The following CPQ variants were observed in gnomAD, a reference collection of about 807,000 sequenced individuals.
The protein encoded by CPQ is Ser-Met dipeptidase.
A neutral mutation model predicts 45.7 loss-of-function variants in CPQ; 37 were observed. The ratio of observed to expected loss-of-function variants is 0.81; its 90% CI spans 0.62 to 1.07. The LOEUF (loss-of-function observed/expected upper bound fraction) is 1.07, where lower values mean the gene tolerates loss of function less well. Ranked by LOEUF, CPQ falls within the 50% of genes least tolerant of loss-of-function variation. The probability of loss-of-function intolerance (pLI) is 0.00; values close to 1 mark genes in which losing one functional copy is unlikely to be tolerated. For synonymous variants in CPQ, 186 were observed against 205.8 expected (o/e 0.90, Z 0.82); for missense variants, 537 against 572.9 (o/e 0.94, Z 0.64).
At chr8:96,916,146 C>A (rs183193456) in intron 4 of CPQ, among the ~76,000 whole-genome samples, 1 of 152,110 alleles carries the variant, frequency 6.6e-6, no homozygotes, top group Non-Finnish European at 1.5e-5. Flanking sequence ...TTAGAGTATG[C>A]GAGTTGACGC....
intron 6 of CPQ, among the ~76,000 whole-genome samples, chr8:97,040,643 C>T (rs977410805): frequency 3.3e-5 from 5 of 152,164 alleles, no homozygotes; most frequent in African/African-American, 4.8e-5. Flanking sequence ...TTTAATCCAT[C>T]TTGAATTAAT....
intron 2 of CPQ, among the ~76,000 whole-genome samples, chr8:96,801,671 C>T (rs1347001402): frequency 3.9e-5 from 6 of 152,088 alleles, no homozygotes; most frequent in African/African-American, 1.4e-4. Flanking sequence ...GGAGGTTTTC[C>T]TTTTTAAATT....
At chr8:96,982,892 G>GC (rs1277288774) in intron 5 of CPQ, among the ~76,000 whole-genome samples, 1 of 152,062 alleles carries the variant, frequency 6.6e-6, no homozygotes, top group Admixed American at 6.5e-5. Context: ...TTGTAAGGTT[G>GC]TTTTTTATTC....
chr8:97,076,937 TATG>T (rs1466534201), intron 7 of CPQ, among the ~76,000 whole-genome samples: 6 of 152,204 alleles, frequency 3.9e-5, no homozygotes, highest in Non-Finnish European at 7.3e-5. Context: ...CAGAAGTCTT[TATG>T]ATAACATAGT....
chr8:96,784,867 A>T lies in CPQ; in HGVS notation c.-31A>T. Reference sequence around the variant, plus strand: ...ATAATGTTTCTTATTTATGTAGATTATCTTAACAAGAAAACCAACTGGAAA... The same window carrying T: ...ATAATGTTTCTTATTTATGTAGATTTTCTTAACAAGAAAACCAACTGGAAA... On this transcript the variant is annotated 5_prime_UTR_variant, in exon 2 of 8. Transcript: ENST00000220763. The T allele has an allele frequency of 1.9e-6, 3 of 1,572,002 alleles. No individual in the cohort carries two copies. The highest frequency in any genetic ancestry group is 2.6e-6 in the Non-Finnish European group (3 of 1,159,570).
chr8:97,119,344 A>C lies in CPQ; in HGVS notation c.1256-23676A>C, dbSNP rs201932707. 5.3e-5 allele frequency among the ~76,000 whole-genome samples: 8 copies of C among 151,602 alleles called. No homozygotes were observed. The East Asian group carries it at 1.4e-3, about 26-fold the overall frequency. ...ACTCCATCTCAAAAAAAAAAAAAAA[A>C]AAAAAAGATAGTCCAAGATCCAGGA... On this transcript the variant is annotated intron_variant, in intron 7 of 7. Transcript: ENST00000220763.
At chr8:97,088,487 G>A (rs575486029) in intron 7 of CPQ, among the ~76,000 whole-genome samples, 35 of 152,278 alleles carry the variant, frequency 2.3e-4, no homozygotes, top group South Asian at 6.2e-4. Context: ...TATAGACTGC[G>A]CAACCTAGAA....
chr8:97,082,263 G>A (rs1586532410), intron 7 of CPQ, among the ~76,000 whole-genome samples: 1 of 152,080 alleles, frequency 6.6e-6, no homozygotes, highest in East Asian at 1.9e-4. Context: ...TCCCCCCTTG[G>A]GGTAAACCAT....
chr8:97,069,840 C>T (rs755440293), intron 7 of CPQ, among the ~76,000 whole-genome samples: 2 of 151,982 alleles, frequency 1.3e-5, no homozygotes, highest in Non-Finnish European at 2.9e-5. Context: ...GACTAGACCC[C>T]AATATTCCAT....
At chr8:96,770,227 C>T (rs993234958) in intron 1 of CPQ, among the ~76,000 whole-genome samples, 10 of 152,012 alleles carry the variant, frequency 6.6e-5, no homozygotes, top group African/African-American at 2.4e-4. Context: ...GGACTTCTCT[C>T]AGCAGGTTGT....
At position 96,987,657 on chromosome 8, in the gene CPQ, C is replaced by A. The variant is rs534750472; in HGVS notation, c.961+21611C>A. Among the ~76,000 whole-genome samples the A allele has an allele frequency of 2.0e-5, 3 of 152,302 alleles. No homozygotes were observed. In the East Asian group the frequency reaches 5.8e-4, roughly 29 times the overall value. On this transcript the variant is annotated intron_variant, in intron 5 of 7. Transcript: ENST00000220763. The stretch of plus-strand genomic sequence containing the variant: ...ATACAGCCTTGTTTAAATATGGAAT[C>A]ATTTTTCTTTTGTCCTTCCTTGACT...
intron 3 of CPQ, among the ~76,000 whole-genome samples, chr8:96,873,464 A>G (rs1414711939): frequency 1.5e-4 from 23 of 151,798 alleles, no homozygotes; most frequent in Non-Finnish European, 3.0e-5. Context: ...TAATGACAGT[A>G]TAAAAGTCTT....
intron 7 of CPQ, among the ~76,000 whole-genome samples, chr8:97,106,618 A>G (rs1285989101): frequency 6.6e-6 from 1 of 152,248 alleles, no homozygotes; most frequent in Non-Finnish European, 1.5e-5. Context: ...CCACATTTCA[A>G]GTACTAGACA....
rs1326522199 is a variant in CPQ at position 96,645,255 on chromosome 8, G to A, written c.-182G>A. On this transcript the variant is annotated 5_prime_UTR_variant, in exon 1 of 8. Transcript: ENST00000220763. ...TCTTTGCCCCGCCTCTCGGCCCCGC[G>A]GCCTGGCCGGCAAGCAGGGCTGCAG... 3 of 152,342 alleles carry A rather than the reference G, an allele frequency of 2.0e-5. No individual in the cohort carries two copies. Among genetic ancestry groups the A allele is most frequent in the Admixed American group, 2.0e-4 (3 of 15,290 alleles). The allele number at this position is 152,342 out of a possible 1,614,324, so 9.4% of individuals were successfully genotyped here.
chr8:97,058,013 T>C (rs1810483746), intron 6 of CPQ, among the ~76,000 whole-genome samples: 1 of 152,146 alleles, frequency 6.6e-6, no homozygotes, highest in Admixed American at 6.6e-5. Context: ...AAGGCCCGCC[T>C]AAGAAAATAT....
chr8:96,951,559 G>C (rs948344853), intron 4 of CPQ, among the ~76,000 whole-genome samples: 1 of 152,060 alleles, frequency 6.6e-6, no homozygotes, highest in Non-Finnish European at 1.5e-5. Flanking sequence ...ATGATTGCTT[G>C]AGCTATAGCT....
intron 4 of CPQ, among the ~76,000 whole-genome samples, chr8:96,929,000 A>G (rs1812933107): frequency 6.6e-6 from 1 of 152,166 alleles, no homozygotes; most frequent in African/African-American, 2.4e-5. Flanking sequence ...AAAAATTATA[A>G]TTTATTCCCA....
chr8:96,983,446 T>C (rs1045431340), intron 5 of CPQ, among the ~76,000 whole-genome samples: 1 of 152,306 alleles, frequency 6.6e-6, no homozygotes, highest in Admixed American at 6.5e-5. Context: ...GTGTGGTCTA[T>C]AGAATACCAA....
At chr8:96,784,405 G>GGC (rs1810730778) in intron 1 of CPQ, among the ~76,000 whole-genome samples, 1 of 151,630 alleles carries the variant, frequency 6.6e-6, no homozygotes, top group African/African-American at 2.4e-5. Context: ...GAGGTGGGGG[G>GGC]GGGGTTGGTA....
Sources: allele counts gnomAD v4.1 joint callset (sites outside exome capture counted in the v4.1 genomes callset), GRCh38; gene constraint gnomAD v4.1.1; transcripts MANE v1.5; gene names NCBI Gene and HGNC (gene_info 2026-07-23, HGNC 2026-07-21).